The following LMOD3 variants were observed in gnomAD, a reference collection of about 807,000 sequenced individuals.
The protein encoded by LMOD3 is leiomodin 3, also known as leiomodin-3.
LMOD3 carries 31 observed loss-of-function variants against 41.8 expected under a neutral mutation model. That is an observed-to-expected ratio of 0.74 (90% CI 0.56 to 1.00). The LOEUF (loss-of-function observed/expected upper bound fraction) is 1.00, where lower values mean the gene tolerates loss of function less well. Among genes scored for constraint, LMOD3 ranks in the 50% least tolerant of loss-of-function variants. LMOD3 has a pLI of 0.00. For synonymous variants in LMOD3, 292 were observed against 241.9 expected (o/e 1.21, Z -1.92); for missense variants, 755 against 679.5 (o/e 1.11, Z -1.23).
chr3:69,115,986 C>CT (rs1433609034), intron 2 of LMOD3, among the ~76,000 whole-genome samples: 2 of 152,096 alleles, frequency 1.3e-5, no homozygotes, highest in Non-Finnish European at 2.9e-5. Context: ...CTTAAAATAG[C>CT]TTTTAAAGAA....
Position 69,119,858 on chromosome 3 carries a change from C to T in LMOD3, c.497G>A (p.Ser166Asn), listed in dbSNP as rs745577772. The change falls in exon 2 of 3, where the codon AGT becomes AAT. Residue 166 changes from serine to asparagine, a missense_variant. By Grantham distance (46) the Ser-to-Asn change is conservative. Transcript: ENST00000420581. Reference protein sequence around the residue: ...DDEGEDDGEESEETNREEEGK... With the variant: ...DDEGEDDGEENEETNREEEGK... ...TTCCTCTTCTCTGTTCGTTTCTTCA[C>T]TCTCTTCACCATCATCTTCTCCTTC... is the stretch of plus-strand genomic sequence containing the variant. 2.6e-6 allele frequency: 4 copies of T among 1,558,144 alleles called. No individual in the cohort carries two copies. Among genetic ancestry groups the T allele is most frequent in the Non-Finnish European group, 3.5e-6 (4 of 1,149,070 alleles).
chr3:69,115,660 T>C (rs963121178), intron 2 of LMOD3, among the ~76,000 whole-genome samples: 21 of 152,226 alleles, frequency 1.4e-4, no homozygotes, highest in African/African-American at 5.1e-4. Context: ...GGAGGGTATC[T>C]GTCCCAAATC....
At position 69,106,254 on chromosome 3, in the gene LMOD3, G is replaced by A. The variant is rs2092322044; in HGVS notation, c.*2841C>T. On this transcript the variant is annotated 3_prime_UTR_variant, in exon 3 of 3. Transcript: ENST00000420581. Reference sequence around the variant, plus strand: ...GATCCTATTTTTAAACCTGGCACGAGTTTTATATACATGTTAGCCCAGTTT... The same window carrying A: ...GATCCTATTTTTAAACCTGGCACGAATTTTATATACATGTTAGCCCAGTTT... Among the ~76,000 whole-genome samples, 1 of 151,944 alleles carries A rather than the reference G, an allele frequency of 6.6e-6. No individual in the cohort carries two copies. Among genetic ancestry groups the A allele is most frequent in the Admixed American group, 6.6e-5 (1 of 15,246 alleles).
In LMOD3 at chr3:69,108,842, G is replaced by A. The variant is rs541781019; in HGVS notation, c.*253C>T. On this transcript the variant is annotated 3_prime_UTR_variant, in exon 3 of 3. Transcript: ENST00000420581. ...AAATATGACTCTAAATTTCACCTGA[G>A]TCACTCAAATTGATTGCAAGTAGAA... is the stretch of plus-strand genomic sequence containing the variant. The A allele has an allele frequency of 1.3e-5, 5 of 371,582 alleles. No homozygotes were observed. Among genetic ancestry groups the A allele is most frequent in the African/African-American group, 6.3e-5 (3 of 47,920 alleles). The allele number at this position is 371,582 out of a possible 1,614,324, so 23.0% of individuals were successfully genotyped here. A position where few individuals can be genotyped will look rare whatever the true frequency, so the allele number is the denominator to read the frequency against.
In LMOD3 at chr3:69,119,027, A is replaced by G; in HGVS notation, c.1328T>C (p.Met443Thr). 5 of 1,613,708 alleles carry G rather than the reference A, an allele frequency of 3.1e-6. No individual in the cohort carries two copies. The South Asian group carries it at 5.5e-5, about 18-fold the overall frequency. ...TGGCGGTGGCTGGAAGAATTCCTGC[A>G]TTCTGGAATCTGGCTTGGGTCCTCC... ...LLGGPKPDSR[M>T]QEFFQPPPPR... is the part of the protein sequence containing the mutation. Residue 443 changes from methionine to threonine, a missense_variant, in exon 2 of 3, where the codon ATG becomes ACG. Met to Thr is a moderately conservative substitution (Grantham distance 81). Transcript: ENST00000420581.
intron 2 of LMOD3, among the ~76,000 whole-genome samples, chr3:69,110,575 G>A (rs1430517484): frequency 6.7e-6 from 1 of 150,046 alleles, no homozygotes; most frequent in East Asian, 2.1e-4. Flanking sequence ...GGGCGCGGTG[G>A]CTGACGCCTG....
chr3:69,113,546 T>C (rs1024020175), intron 2 of LMOD3, among the ~76,000 whole-genome samples: 1 of 152,230 alleles, frequency 6.6e-6, no homozygotes, highest in Non-Finnish European at 1.5e-5. Context: ...TCATGGAGTC[T>C]TTTGATGTAC....
In LMOD3 at chr3:69,108,996, C is replaced by T; in HGVS notation, c.*99G>A. On this transcript the variant is annotated 3_prime_UTR_variant, in exon 3 of 3. Transcript: ENST00000420581. ...ATGGTAGCATTGTTTCCAGTTCTGCCACGTGGATCCTAAAGTATTGCTGCT... is the reference window on the plus strand; with the variant it reads ...ATGGTAGCATTGTTTCCAGTTCTGCTACGTGGATCCTAAAGTATTGCTGCT... The T allele has an allele frequency of 9.4e-7, 1 of 1,061,874 alleles. No individual in the cohort carries two copies. The highest frequency in any genetic ancestry group is 1.4e-6 in the Non-Finnish European group (1 of 714,972). The allele number at this position is 1,061,874 out of a possible 1,614,324, so 65.8% of individuals were successfully genotyped here.
intron 2 of LMOD3, among the ~76,000 whole-genome samples, chr3:69,111,491 G>T (rs910334105): frequency 1.3e-5 from 2 of 152,164 alleles, no homozygotes; most frequent in Non-Finnish European, 2.9e-5. Context: ...TTATGGAATG[G>T]AAAAAGAAGC....
chr3:69,106,145 C>CA lies in LMOD3; in HGVS notation c.*2949dup, dbSNP rs2092321621. 6.6e-6 allele frequency: 1 copy of CA among 152,188 alleles called. No homozygotes were observed. The highest frequency in any genetic ancestry group is 2.4e-5 in the African/African-American group (1 of 41,450). 9.4% of individuals were successfully genotyped at this position (152,188 alleles called of 1,614,324 possible). On this transcript the variant is annotated 3_prime_UTR_variant, in exon 3 of 3. Coordinates refer to ENST00000420581, the MANE Select transcript of LMOD3 (RefSeq NM_198271.5). ...GGCGACGACCCTATAAACAGTGAAG[C>CA]AAACACTTCAGCTGTTTCAAATACT...
chr3:69,114,171 T>C (rs2092361314), intron 2 of LMOD3, among the ~76,000 whole-genome samples: 1 of 152,162 alleles, frequency 6.6e-6, no homozygotes, highest in African/African-American at 2.4e-5. Context: ...CAGCTAATTT[T>C]TTCCATGCAA....
At position 69,107,465 on chromosome 3, in the gene LMOD3, T is replaced by TTTTTTTTTTTTTTTTTTG. The variant is rs2092328113; in HGVS notation, c.*1629_*1630insCAAAAAAAAAAAAAAAAA. 1.1e-5 allele frequency: 1 copy of TTTTTTTTTTTTTTTTTTG among 92,570 alleles called. No individual in the cohort carries two copies. The highest frequency in any genetic ancestry group is 5.4e-5 in the African/African-American group (1 of 18,676). The allele number at this position is 92,570 out of a possible 1,614,324, so 5.7% of individuals were successfully genotyped here. Reference sequence around the variant, plus strand: ...AAAGGCACCAAAGGTTTTTTTTTTTTTTTTTTTTTTTTTTTTTTTTTTTTT... The same window carrying TTTTTTTTTTTTTTTTTTG: ...AAAGGCACCAAAGGTTTTTTTTTTTTTTTTTTTTTTTTTTTTTGTTTTTTTTTTTTTTTTTTTTTTTTT... On this transcript the variant is annotated 3_prime_UTR_variant, in exon 3 of 3. Coordinates refer to ENST00000420581, the MANE Select transcript of LMOD3 (RefSeq NM_198271.5).
intron 2 of LMOD3, among the ~76,000 whole-genome samples, chr3:69,116,944 T>C (rs1295787793): frequency 6.6e-6 from 1 of 152,218 alleles, no homozygotes; most frequent in Non-Finnish European, 1.5e-5. Context: ...TCAAAAGACG[T>C]CTCATCATTC....
At position 69,107,575 on chromosome 3, in the gene LMOD3, C is replaced by A. The variant is rs1275445980; in HGVS notation, c.*1520G>T. 1 of 142,364 alleles carries A rather than the reference C, an allele frequency of 7.0e-6. No individual in the cohort carries two copies. The highest frequency in any genetic ancestry group is 2.6e-5 in the African/African-American group (1 of 38,380). The allele number at this position is 142,364 out of a possible 1,614,324, so 8.8% of individuals were successfully genotyped here. On this transcript the variant is annotated 3_prime_UTR_variant, in exon 3 of 3. Coordinates refer to ENST00000420581, the MANE Select transcript of LMOD3 (RefSeq NM_198271.5). ...CACTGCAACCTCTGCCTCCCCAGTT[C>A]AAGCAATTCTCCTGCCTCAGCCTCC...
chr3:69,116,384 T>A (rs965447788), intron 2 of LMOD3, among the ~76,000 whole-genome samples: 2 of 152,206 alleles, frequency 1.3e-5, no homozygotes, highest in Admixed American at 1.3e-4. Context: ...TCCTTCAGAA[T>A]AAATGAAGCC....
At chr3:69,110,517 A>C (rs2092343667) in intron 2 of LMOD3, among the ~76,000 whole-genome samples, 1 of 149,600 alleles carries the variant, frequency 6.7e-6, no homozygotes, top group Admixed American at 6.6e-5. Flanking sequence ...GGTGTGAGCC[A>C]CCGCACCCAG....
intron 2 of LMOD3, among the ~76,000 whole-genome samples, chr3:69,110,853 A>AAAAAAAAAT (rs1458630453): frequency 7.7e-5 from 8 of 104,124 alleles, no homozygotes; most frequent in African/African-American, 3.4e-4. Flanking sequence ...AAAAAAAAAA[A>AAAAAAAAAT]ATATATATAT....
In LMOD3 at chr3:69,122,164, T is replaced by A; in HGVS notation, c.223A>T (p.Met75Leu). 6.2e-7 allele frequency: 1 copy of A among 1,613,094 alleles called. No homozygotes were observed. Among genetic ancestry groups the A allele is most frequent in the South Asian group, 1.1e-5 (1 of 90,830 alleles). Reference protein sequence around the residue: ...NFNHKSLVDYMYWEKASRRML... With the variant: ...NFNHKSLVDYLYWEKASRRML... ...CGCCTGGATGCCTTTTCCCAATACA[T>A]ATAATCAACAAGAGATTTATGATTG... The change falls in exon 1 of 3, where the codon ATG becomes TTG. Residue 75 changes from methionine (M) to leucine (L), a missense_variant. Transcript: ENST00000420581.
chr3:69,116,061 C>G (rs946311071), intron 2 of LMOD3, among the ~76,000 whole-genome samples: 1 of 152,094 alleles, frequency 6.6e-6, no homozygotes, highest in African/African-American at 2.4e-5. Context: ...TACTTTTGAC[C>G]TTCTGTAAGT....
Sources: allele counts gnomAD v4.1 joint callset (sites outside exome capture counted in the v4.1 genomes callset), GRCh38; gene constraint gnomAD v4.1.1; transcripts MANE v1.5; gene names NCBI Gene and HGNC (gene_info 2026-07-23, HGNC 2026-07-21).